Variants in PPP2R2C observed in about 807,000 individuals in gnomAD.
PPP2R2C encodes the protein protein phosphatase 2 regulatory subunit Bgamma.
A neutral mutation model predicts 45.3 loss-of-function variants in PPP2R2C; 10 were observed. The observed-to-expected ratio is 0.22, with a 90% CI of 0.14 to 0.37. The LOEUF is 0.37. Among genes scored for constraint, PPP2R2C ranks in the 10% least tolerant of loss-of-function variants. PPP2R2C has a pLI of 1.00. For synonymous variants in PPP2R2C, 257 were observed against 245.4 expected, an observed-to-expected ratio of 1.05 and a Z score of -0.44; for missense variants, 308 against 619.7, an observed-to-expected ratio of 0.50 and a Z score of 5.34.
At chr4:6,339,743 G>A (rs541432519) in intron 6 of PPP2R2C, among the ~76,000 whole-genome samples, 2 of 152,202 alleles carry the variant, frequency 1.3e-5, no homozygotes, top group Non-Finnish European at 2.9e-5. Flanking sequence ...GTGGCCTGGA[G>A]GGGGAGGGGC....
rs369758391 is a variant in PPP2R2C at position 6,360,047 on chromosome 4, T to C, written c.626-12037A>G. Among the ~76,000 whole-genome samples, 249 of 152,280 alleles carry C rather than the reference T, an allele frequency of 1.6e-3. 3 individuals are homozygous for C. The South Asian group carries it at 0.022, about 14-fold the overall frequency. On this transcript the variant is annotated intron_variant, in intron 5 of 8. Coordinates refer to ENST00000382599, the MANE Select transcript of PPP2R2C (RefSeq NM_020416.4). Reference sequence around the variant, plus strand: ...AAGCTAATCTAAAAACCACAGCAAGTAATTGAACTTTGAGACATGGTAATA... The same window carrying C: ...AAGCTAATCTAAAAACCACAGCAAGCAATTGAACTTTGAGACATGGTAATA...
intron 5 of PPP2R2C, among the ~76,000 whole-genome samples, chr4:6,363,622 G>A (rs1190802266): frequency 3.9e-5 from 6 of 152,028 alleles, no homozygotes; most frequent in African/African-American, 1.4e-4. Context: ...TACCACCATG[G>A]CCAAATTCAA....
intron 2 of PPP2R2C, among the ~76,000 whole-genome samples, chr4:6,496,599 C>T (rs942275310): frequency 1.3e-5 from 2 of 152,186 alleles, no homozygotes; most frequent in African/African-American, 2.4e-5. Flanking sequence ...CAGTGGCTCA[C>T]GCCTGTAATC....
At chr4:6,557,786 G>A (rs1725458756) in intron 1 of PPP2R2C, among the ~76,000 whole-genome samples, 1 of 152,064 alleles carries the variant, frequency 6.6e-6, no homozygotes, top group Non-Finnish European at 1.5e-5. Flanking sequence ...AGAAGGAGAG[G>A]AGGCAGATCT....
rs1732610266 is a variant in PPP2R2C at position 6,333,720 on chromosome 4, G to C, written c.802C>G (p.Pro268Ala). ...AATGAGCGGTTACTGGGGTCCTCAG[G>C]CTCTTCAAAGACTGTGGAGACAGAG... ...CDKHSKLFEEPEDPSNRSFFS... is the reference protein window; with the variant it reads ...CDKHSKLFEEAEDPSNRSFFS... The change falls in exon 7 of 9, where the codon CCT (proline) becomes GCT (alanine). Residue 268 changes from proline (P) to alanine (A), a missense_variant. Physicochemically the swap from Pro to Ala is conservative, Grantham distance 27. Coordinates refer to ENST00000382599, the MANE Select transcript of PPP2R2C (RefSeq NM_020416.4). 6.2e-7 allele frequency: 1 copy of C among 1,614,118 alleles called. No individual in the cohort carries two copies. The highest frequency in any genetic ancestry group is 8.5e-7 in the Non-Finnish European group (1 of 1,179,998).
At chr4:6,428,467 A>G (rs933620725) in intron 1 of PPP2R2C, among the ~76,000 whole-genome samples, 2 of 152,188 alleles carry the variant, frequency 1.3e-5, no homozygotes, top group Non-Finnish European at 2.9e-5. Context: ...ACAGTCCGGG[A>G]GCTCAGGTGG....
intron 1 of PPP2R2C, among the ~76,000 whole-genome samples, chr4:6,438,173 A>C (rs1010267226): frequency 6.6e-6 from 1 of 152,202 alleles, no homozygotes; most frequent in Non-Finnish European, 1.5e-5. Context: ...AACCCCACTC[A>C]CCATCGTACA....
At position 6,332,426 on chromosome 4, in the gene PPP2R2C, C is replaced by G. The variant is rs537858525; in HGVS notation, c.960+1136G>C. On this transcript the variant is annotated intron_variant, in intron 7 of 8. Coordinates refer to ENST00000382599, the MANE Select transcript of PPP2R2C (RefSeq NM_020416.4). The surrounding 1 kb of genome is among the most constrained non-coding windows in gnomAD (Gnocchi z 4.9). ...CAAGTAAACACACGTGGCTGACAAA[C>G]AGGCGGTCCCCATAGCGGTCCTTGT... is the stretch of plus-strand genomic sequence containing the variant. 5.4e-4 allele frequency among the ~76,000 whole-genome samples: 82 copies of G among 152,296 alleles called. No individual in the cohort carries two copies. The highest frequency in any genetic ancestry group is 1.9e-3 in the African/African-American group (79 of 41,550).
intron 1 of PPP2R2C, among the ~76,000 whole-genome samples, chr4:6,390,148 A>G (rs11733217): frequency 0.05 from 7,584 of 152,242 alleles, 285 homozygotes; most frequent in Non-Finnish European, 0.072. Context: ...TCCAGGGGAC[A>G]GGGGAGAGCT....
At chr4:6,547,478 C>T (rs976820863) in intron 1 of PPP2R2C, among the ~76,000 whole-genome samples, 20 of 152,132 alleles carry the variant, frequency 1.3e-4, no homozygotes, top group South Asian at 4.1e-4. Flanking sequence ...ACACTGGGTG[C>T]CTTCTGGCGG....
upstream of PPP2R2C, among the ~76,000 whole-genome samples, chr4:6,474,907 GC>G (rs781380542): frequency 2.3e-4 from 34 of 149,640 alleles, no homozygotes; most frequent in Non-Finnish European, 4.4e-4. Context: ...ACACAGCCCT[GC>G]CCCCGCTGAC....
chr4:6,521,863 G>A (rs917194613), intron 2 of PPP2R2C, among the ~76,000 whole-genome samples: 7 of 152,274 alleles, frequency 4.6e-5, no homozygotes, highest in South Asian at 2.1e-4. Context: ...CACAGCTCAC[G>A]GAAGAGCCGG....
At chr4:6,493,358 T>TG (rs954468966) in intron 2 of PPP2R2C, among the ~76,000 whole-genome samples, 3 of 151,096 alleles carry the variant, frequency 2.0e-5, no homozygotes, top group Admixed American at 6.6e-5. Flanking sequence ...GGAGCTGGGG[T>TG]GGGGGGCGTG....
intron 1 of PPP2R2C, among the ~76,000 whole-genome samples, chr4:6,452,203 T>C (rs2108747438): frequency 6.6e-6 from 1 of 152,252 alleles, no homozygotes; most frequent in Non-Finnish European, 1.5e-5. Flanking sequence ...AAACGGACAC[T>C]GCCACCTCCT....
chr4:6,508,584 A>G (rs923815533), intron 2 of PPP2R2C, among the ~76,000 whole-genome samples: 4 of 152,066 alleles, frequency 2.6e-5, no homozygotes, highest in African/African-American at 7.2e-5. Flanking sequence ...GTGAGACTCC[A>G]TCTCAAAAAA....
rs115399591 is a variant in PPP2R2C, at chr4:6,428,349, G to T, written c.70+43811C>A. On this transcript the variant is annotated intron_variant, in intron 1 of 8. Transcript: ENST00000382599. ...ACTCCATAAGACCTGCTCACCGCAA[G>T]AAGCCAGGGCAGGGCAAGCCTTAAG... is the stretch of plus-strand genomic sequence containing the variant. 5.3e-3 allele frequency among the ~76,000 whole-genome samples: 809 copies of T among 152,326 alleles called. 7 individuals carry two copies. Among genetic ancestry groups the T allele is most frequent in the African/African-American group, 0.018 (750 of 41,576 alleles).
At chr4:6,514,011 T>C (rs1012688492) in intron 2 of PPP2R2C, among the ~76,000 whole-genome samples, 1 of 152,240 alleles carries the variant, frequency 6.6e-6, no homozygotes, top group Admixed American at 6.5e-5. Flanking sequence ...GGGTGTATAA[T>C]TGGGCCTCAT....
chr4:6,479,684 C>T (rs1201378796), intron 2 of PPP2R2C, among the ~76,000 whole-genome samples: 2 of 151,684 alleles, frequency 1.3e-5, no homozygotes, highest in East Asian at 3.9e-4. Flanking sequence ...TGTGTTATCC[C>T]AGGACCTTTT....
chr4:6,546,210 T>C (rs1724976627), intron 1 of PPP2R2C, among the ~76,000 whole-genome samples: 1 of 151,958 alleles, frequency 6.6e-6, no homozygotes, highest in African/African-American at 2.4e-5. Flanking sequence ...AGGCAAAAGG[T>C]TTCAAGTGTG....
Sources: allele counts gnomAD v4.1 joint callset (sites outside exome capture counted in the v4.1 genomes callset), GRCh38; gene constraint gnomAD v4.1.1; non-coding constraint Gnocchi (gnomAD v3.1); transcripts MANE v1.5; gene names NCBI Gene and HGNC (gene_info 2026-07-23, HGNC 2026-07-21).